ENSA: variants seen among roughly 807,000 people sequenced by gnomAD.
ENSA encodes the protein alpha-endosulfine.
Under a neutral mutation model 16.8 loss-of-function variants are expected in ENSA, and 7 were observed. The observed-to-expected ratio is 0.42, with a 90% confidence interval of 0.24 to 0.78. ENSA has a LOEUF of 0.78. Ranked by LOEUF, ENSA falls within the 30% of genes least tolerant of loss-of-function variation. The pLI is 0.29. For synonymous variants in ENSA, 58 were observed against 53.4 expected (o/e 1.09, Z -0.37); for missense variants, 87 against 142.3 (o/e 0.61, Z 1.98).
chr1:150,626,378 G>A (rs772787357), intron 2 of ENSA: 7 of 1,133,412 alleles, frequency 6.2e-6, no homozygotes, highest in Admixed American at 1.8e-5. Context: ...GCCTGCCCAC[G>A]CCTGCCTTGC....
chr1:150,625,177 A>T (rs1270617773), intron 3 of ENSA: 1 of 985,916 alleles, frequency 1.0e-6, no homozygotes, highest in East Asian at 1.1e-4. Context: ...GGAAACATGA[A>T]GCAATAGCAG....
chr1:150,629,608 C>T lies in ENSA; in HGVS notation c.-138G>A. On this transcript the variant is annotated 5_prime_UTR_variant, in exon 1 of 4. Transcript: ENST00000369014. Reference sequence around the variant, plus strand: ...TGCTCAGTCAAAATGGCGGCCCTTGCCCGTGACGTTGCGACCGCCCCTTCC... The same window carrying T: ...TGCTCAGTCAAAATGGCGGCCCTTGTCCGTGACGTTGCGACCGCCCCTTCC... The T allele has an allele frequency of 1.8e-6, 2 of 1,087,148 alleles. No individual in the cohort carries two copies. The highest frequency in any genetic ancestry group is 1.3e-6 in the Non-Finnish European group (1 of 756,950). 67.3% of individuals were successfully genotyped at this position (1,087,148 alleles called of 1,614,324 possible).
In ENSA at chr1:150,622,836, G is replaced by A. The variant is rs761126935; in HGVS notation, c.*8C>T. The A allele has an allele frequency of 3.5e-5, 54 of 1,558,842 alleles. No homozygotes were observed. Among genetic ancestry groups the A allele is most frequent in the South Asian group, 4.7e-5 (4 of 84,612 alleles). On this transcript the variant is annotated 3_prime_UTR_variant, in exon 4 of 4. Transcript: ENST00000369014. ...GCGTCTCAGGATCTGGCAGAGCCCC[G>A]GGCAGCATCATTCAACTTGGCCACT...
rs773370931 is a variant in ENSA at position 150,629,093 on chromosome 1, G to A, written c.57+321C>T. 39 of 1,613,836 alleles carry A rather than the reference G, an allele frequency of 2.4e-5. No homozygotes were observed. In the South Asian group the frequency reaches 4.3e-4, roughly 18 times the overall value. The stretch of plus-strand genomic sequence containing the variant: ...AACCAATAACACACATCACACCCAA[G>A]ACCACCAGCCATCCCCTTTCCATTC... On this transcript the variant is annotated intron_variant, in intron 1 of 3. Transcript: ENST00000369014.
In ENSA at chr1:150,622,430, C is replaced by A. The variant is rs978285214; in HGVS notation, c.*414G>T. The A allele has an allele frequency of 1.4e-4, 26 of 192,356 alleles. No individual in the cohort carries two copies. Among genetic ancestry groups the A allele is most frequent in the Non-Finnish European group, 2.2e-4 (21 of 95,288 alleles). The allele number at this position is 192,356 out of a possible 1,614,324, so 11.9% of individuals were successfully genotyped here. A position where few individuals can be genotyped will look rare whatever the true frequency, so the allele number is the denominator to read the frequency against. On this transcript the variant is annotated 3_prime_UTR_variant, in exon 4 of 4. Coordinates refer to ENST00000369014, the MANE Select transcript of ENSA (RefSeq NM_004436.4). ...TTTATCTACAGAGCTCAACTAGAACCCCTTTTCATTAGGCTACTCCACTTC... is the reference window on the plus strand; with the variant it reads ...TTTATCTACAGAGCTCAACTAGAACACCTTTTCATTAGGCTACTCCACTTC...
chr1:150,625,571 A>C, intron 3 of ENSA, 71 bp downstream of exon 3: 1 of 1,481,376 alleles, frequency 6.8e-7, no homozygotes, highest in Admixed American at 2.4e-5. Context: ...CTAGGTGCCC[A>C]TTTCATCCCT....
intron 1 of ENSA, 49 bp downstream of exon 1, chr1:150,629,365 C>T: frequency 1.3e-6 from 2 of 1,597,844 alleles, no homozygotes; most frequent in South Asian, 2.3e-5. Context: ...CCGTCTCCCG[C>T]CCCATCACGG....
rs1323555765 is a variant in ENSA, at chr1:150,622,194, C to T, written c.*650G>A. 6.6e-6 allele frequency: 1 copy of T among 152,238 alleles called. No homozygotes were observed. The highest frequency in any genetic ancestry group is 2.4e-5 in the African/African-American group (1 of 41,456). 9.4% of individuals were successfully genotyped at this position (152,238 alleles called of 1,614,324 possible). ...GAATACTGAAAAAGTCCTTTGGGCT[C>T]TGTGGGGTTCCCCACGCTCACGGCT... On this transcript the variant is annotated 3_prime_UTR_variant, in exon 4 of 4. Transcript: ENST00000369014.
At chr1:150,629,110 T>C (rs1649561047) in intron 1 of ENSA, 1 of 1,614,124 alleles carries the variant, frequency 6.2e-7, no homozygotes, top group South Asian at 1.1e-5. Flanking sequence ...AGCCATCCCC[T>C]TTCCATTCAC....
intron 1 of ENSA, among the ~76,000 whole-genome samples, chr1:150,628,092 T>G (rs1342296796): frequency 6.6e-6 from 1 of 152,198 alleles, no homozygotes; most frequent in African/African-American, 2.4e-5. Context: ...AGCTCATGAA[T>G]TCACTACCCG....
chr1:150,626,475 C>T (rs1426551819), intron 2 of ENSA: 4 of 1,611,588 alleles, frequency 2.5e-6, no homozygotes, highest in Non-Finnish European at 3.4e-6. Flanking sequence ...GATGTTTCAC[C>T]CACCATTTCA....
chr1:150,629,309 C>G, intron 1 of ENSA, 105 bp downstream of exon 1: 1 of 1,541,520 alleles, frequency 6.5e-7, no homozygotes, highest in Non-Finnish European at 8.8e-7. Flanking sequence ...GTGGCCAACC[C>G]CTGCGGAGCC....
chr1:150,626,364 G>T, intron 2 of ENSA: 1 of 953,416 alleles, frequency 1.0e-6, no homozygotes, highest in Non-Finnish European at 1.7e-6. Context: ...CCATGACTGT[G>T]ACAGCCTGCC....
At position 150,627,667 on chromosome 1, in the gene ENSA, C is replaced by T. The variant is rs587723497; in HGVS notation, c.58-75G>A. 2.9e-3 allele frequency: 4,207 copies of T among 1,461,122 alleles called. 11 individuals are homozygous for T. Among genetic ancestry groups the T allele is most frequent in the Non-Finnish European group, 3.6e-3 (3,878 of 1,080,784 alleles). The allele number at this position is 1,461,122 out of a possible 1,614,324, so 90.5% of individuals were successfully genotyped here. ...CTTCTCACATCTGATAACAACTATA[C>T]TATCAACTTCTCCTGGAAATCCACC... On this transcript the variant is annotated intron_variant, in intron 1 of 3. Transcript: ENST00000369014.
Position 150,622,871 on chromosome 1 carries a change from C to CAA in ENSA, c.351-13_351-12insTT. On this transcript the variant is annotated splice_polypyrimidine_tract_variant and intron_variant, in intron 3 of 3. Coordinates refer to ENST00000369014, the MANE Select transcript of ENSA (RefSeq NM_004436.4). ...ATTCAACTTGGCCACTGCGGACGAA[C>CAA]ACAGAAGAAAAAAAAAAAAAACAAC... 1 of 1,458,848 alleles carries CAA rather than the reference C, an allele frequency of 6.9e-7. No individual in the cohort carries two copies. Among genetic ancestry groups the CAA allele is most frequent in the African/African-American group, 1.5e-5 (1 of 66,848 alleles). 90.4% of individuals were successfully genotyped at this position (1,458,848 alleles called of 1,614,324 possible).
intron 1 of ENSA, among the ~76,000 whole-genome samples, chr1:150,628,556 G>GTC (rs1649510011): frequency 6.6e-6 from 1 of 150,966 alleles, no homozygotes; most frequent in Non-Finnish European, 1.5e-5. Flanking sequence ...AAGATATGAA[G>GTC]TCAACGTATG....
At chr1:150,629,221 T>C in intron 1 of ENSA, 193 bp downstream of exon 1, 1 of 1,561,936 alleles carries the variant, frequency 6.4e-7, no homozygotes, top group Non-Finnish European at 8.8e-7. Flanking sequence ...AAGAGTACAG[T>C]ACTGAGTGAC....
rs1571005458 is a variant in ENSA, at chr1:150,622,763, G to A, written c.*81C>T. 4 of 1,480,004 alleles carry A rather than the reference G, an allele frequency of 2.7e-6. No homozygotes were observed. The highest frequency in any genetic ancestry group is 3.6e-6 in the Non-Finnish European group (4 of 1,101,600). 91.7% of individuals were successfully genotyped at this position (1,480,004 alleles called of 1,614,324 possible). A position where few individuals can be genotyped will look rare whatever the true frequency, so the allele number is the denominator to read the frequency against. On this transcript the variant is annotated 3_prime_UTR_variant, in exon 4 of 4. Transcript: ENST00000369014. ...CTCCTGACCCCTGGCTGCAAAAGCA[G>A]GAAGGGGCAGGAGCCAGCACAGGAC...
rs199701865 is a variant in ENSA at position 150,627,642 on chromosome 1, C to T, written c.58-50G>A. On this transcript the variant is annotated intron_variant, in intron 1 of 3. Coordinates refer to ENST00000369014, the MANE Select transcript of ENSA (RefSeq NM_004436.4). ...AAAATTAAAGACTGAGAAACAACAG[C>T]TTCTCACATCTGATAACAACTATAC... 1.8e-4 allele frequency: 286 copies of T among 1,546,970 alleles called. 2 individuals carry two copies. The African/African-American group carries it at 3.8e-3, about 21-fold the overall frequency.
Sources: gnomAD v4.1 joint callset for allele counts (sites outside exome capture counted in the v4.1 genomes callset) on GRCh38, gnomAD v4.1.1 for gene constraint, MANE v1.5 for transcripts, NCBI Gene and HGNC (gene_info 2026-07-23, HGNC 2026-07-21) for gene names.